PPFIA2: variants seen among roughly 807,000 people sequenced by gnomAD.
PPFIA2 encodes the protein PPFI scaffold protein A2.
PPFIA2 carries 46 observed loss-of-function variants against 175.5 expected under a neutral mutation model. The observed-to-expected ratio is 0.26, with a 90% CI of 0.21 to 0.34. The LOEUF (loss-of-function observed/expected upper bound fraction) is 0.34, where lower values mean the gene tolerates loss of function less well. PPFIA2 is among the 10% of genes least tolerant of loss of function. The pLI is 1.00. For missense variants in PPFIA2, 1,179 were observed against 1,506.1 expected (o/e 0.78, Z 3.60); for synonymous variants, 568 against 511.4 (o/e 1.11, Z -1.49).
chr12:81,540,104 T>C lies in PPFIA2; in HGVS notation c.304-82238A>G, dbSNP rs571678179. On this transcript the variant is annotated intron_variant, in intron 4 of 32. Coordinates refer to ENST00000549396, the MANE Select transcript of PPFIA2 (RefSeq NM_003625.5). Reference sequence around the variant, plus strand: ...AGAGAAAGAGAGAGACCAATAGATATTTGTGTTTATAGCCAATTTCAGGCA... The same window carrying C: ...AGAGAAAGAGAGAGACCAATAGATACTTGTGTTTATAGCCAATTTCAGGCA... Among the ~76,000 whole-genome samples, 4 of 151,920 alleles carry C rather than the reference T, an allele frequency of 2.6e-5. No homozygotes were observed. In the East Asian group the frequency reaches 5.8e-4, roughly 22 times the overall value.
Position 81,466,499 on chromosome 12 carries a change from T to C in PPFIA2, c.304-8633A>G, listed in dbSNP as rs2055648399. On this transcript the variant is annotated intron_variant, in intron 4 of 32. Coordinates refer to ENST00000549396, the MANE Select transcript of PPFIA2 (RefSeq NM_003625.5). ...CAAGCAGTCTCAGGCTGTCTGTCCA[T>C]CAAGCCATGAATCATTCACTATGCT... Among the ~76,000 whole-genome samples the C allele has an allele frequency of 2.0e-5, 3 of 152,290 alleles. No individual in the cohort carries two copies. In the South Asian group the frequency reaches 6.2e-4, roughly 32 times the overall value.
chr12:81,286,776 A>C (rs888641089), intron 24 of PPFIA2, among the ~76,000 whole-genome samples: 9 of 152,054 alleles, frequency 5.9e-5, no homozygotes, highest in Admixed American at 2.0e-4. Context: ...CAGGCTAGAC[A>C]TCAAATATAT....
intron 11 of PPFIA2, 123 bp from the exon 12 acceptor site, chr12:81,369,317 A>C: frequency 6.6e-7 from 1 of 1,517,446 alleles, no homozygotes; most frequent in Non-Finnish European, 8.8e-7. Flanking sequence ...TTTAAAAAAT[A>C]AACTTTCTTC....
At chr12:81,273,425 C>G (rs928548688) in intron 28 of PPFIA2, among the ~76,000 whole-genome samples, 2 of 152,226 alleles carry the variant, frequency 1.3e-5, no homozygotes, top group Admixed American at 1.3e-4. Context: ...AAGATCATAA[C>G]CTCTCAAGTC....
At chr12:81,621,189 T>C (rs964848506) in intron 4 of PPFIA2, among the ~76,000 whole-genome samples, 4 of 152,060 alleles carry the variant, frequency 2.6e-5, no homozygotes, top group East Asian at 3.9e-4. Flanking sequence ...AAGGGAGTCA[T>C]AGAGGGCTCA....
chr12:81,400,963 G>A (rs548157222), intron 8 of PPFIA2, among the ~76,000 whole-genome samples: 1 of 152,266 alleles, frequency 6.6e-6, no homozygotes, highest in East Asian at 1.9e-4. Context: ...ACTGCATATA[G>A]TTAAGTGTGA....
At chr12:81,680,783 T>C (rs1304532699) in intron 3 of PPFIA2, among the ~76,000 whole-genome samples, 1 of 151,956 alleles carries the variant, frequency 6.6e-6, no homozygotes, top group Non-Finnish European at 1.5e-5. Flanking sequence ...TTGCCTATCA[T>C]TTGACCCATC....
intron 24 of PPFIA2, among the ~76,000 whole-genome samples, chr12:81,285,719 A>G (rs61599042): frequency 0.027 from 4,129 of 152,236 alleles, 84 homozygotes; most frequent in South Asian, 0.071. Flanking sequence ...CCAGTCGTCT[A>G]AAAGTATAGC....
At chr12:81,666,656 A>C (rs1334355541) in intron 4 of PPFIA2, among the ~76,000 whole-genome samples, 2 of 152,146 alleles carry the variant, frequency 1.3e-5, no homozygotes, top group Non-Finnish European at 2.9e-5. Flanking sequence ...GATATACCTA[A>C]TGTTAATTGA....
intron 4 of PPFIA2, among the ~76,000 whole-genome samples, chr12:81,587,833 T>C (rs1398257563): frequency 2.0e-5 from 3 of 152,038 alleles, no homozygotes; most frequent in African/African-American, 4.8e-5. Context: ...CCTAGTGTTT[T>C]TCTCAACATT....
chr12:81,749,838 T>C (rs1263229051), intron 3 of PPFIA2, among the ~76,000 whole-genome samples: 1 of 144,242 alleles, frequency 6.9e-6, no homozygotes, highest in Non-Finnish European at 1.6e-5. Flanking sequence ...TGTAGTTGGG[T>C]CACAGTACAA....
At chr12:81,704,661 A>T (rs1034428086) in intron 3 of PPFIA2, among the ~76,000 whole-genome samples, 1 of 152,134 alleles carries the variant, frequency 6.6e-6, no homozygotes. Context: ...ACTTGCACAT[A>T]CAAGGTTCAT....
At chr12:81,757,364 A>G (rs1228774755) in intron 2 of PPFIA2, among the ~76,000 whole-genome samples, 1 of 152,190 alleles carries the variant, frequency 6.6e-6, no homozygotes, top group Non-Finnish European at 1.5e-5. Flanking sequence ...GCATTTTAAC[A>G]ATTTGCCTTG....
chr12:81,414,059 T>A (rs2044495998), intron 7 of PPFIA2, among the ~76,000 whole-genome samples: 1 of 151,796 alleles, frequency 6.6e-6, no homozygotes, highest in Admixed American at 6.6e-5. Flanking sequence ...GTATTTTTAT[T>A]TTCATTTTAC....
intron 3 of PPFIA2, among the ~76,000 whole-genome samples, chr12:81,747,395 T>C (rs1398566795): frequency 6.9e-6 from 1 of 144,180 alleles, no homozygotes; most frequent in Non-Finnish European, 1.6e-5. Context: ...TAAGAACTTT[T>C]TAAAAAGATA....
intron 32 of PPFIA2, chr12:81,261,116 T>G (rs1054478322): frequency 2.6e-5 from 4 of 152,210 alleles, no homozygotes; most frequent in Admixed American, 1.3e-4. Flanking sequence ...TTTGTTCCTA[T>G]ATGTCTTAAA....
intron 4 of PPFIA2, among the ~76,000 whole-genome samples, chr12:81,458,192 C>T (rs1273941690): frequency 6.6e-6 from 1 of 152,102 alleles, no homozygotes; most frequent in Non-Finnish European, 1.5e-5. Flanking sequence ...TTATGAACAG[C>T]TCCCAAAATC....
chr12:81,283,168 C>T, intron 25 of PPFIA2, 129 bp from the exon 26 acceptor site: 1 of 843,368 alleles, frequency 1.2e-6, no homozygotes, highest in Non-Finnish European at 1.9e-6. Flanking sequence ...GTAGAATAAA[C>T]ACACAGATTC....
chr12:81,684,051 G>A (rs2074079162), intron 3 of PPFIA2, among the ~76,000 whole-genome samples: 1 of 152,054 alleles, frequency 6.6e-6, no homozygotes, highest in Admixed American at 6.6e-5. Context: ...CCTCATAGTA[G>A]GTACCATTTC....
Sources: gnomAD v4.1 joint callset for allele counts (sites outside exome capture counted in the v4.1 genomes callset) on GRCh38, gnomAD v4.1.1 for gene constraint, MANE v1.5 for transcripts, NCBI Gene and HGNC (gene_info 2026-07-23, HGNC 2026-07-21) for gene names.